Variants in BTAF1 observed in about 807,000 individuals in gnomAD.
BTAF1 encodes TATA-binding protein-associated factor 172.
A neutral mutation model predicts 227.1 loss-of-function variants in BTAF1; 38 were observed. The ratio of observed to expected loss-of-function variants is 0.17; its 90% CI spans 0.13 to 0.22. The LOEUF (loss-of-function observed/expected upper bound fraction) is 0.22, where lower values mean the gene tolerates loss of function less well. Ranked by LOEUF, BTAF1 falls within the 10% of genes least tolerant of loss-of-function variation. BTAF1 has a pLI of 1.00. For synonymous variants in BTAF1, 742 were observed against 751.9 expected (o/e 0.99, Z 0.21); for missense variants, 1,598 against 2,204.0 (o/e 0.73, Z 5.51).
chr10:92,021,210 A>G (rs1284439228), intron 34 of BTAF1, among the ~76,000 whole-genome samples: 1 of 152,246 alleles, frequency 6.6e-6, no homozygotes, highest in Non-Finnish European at 1.5e-5. Context: ...TGGGAGAAGT[A>G]TCTAATATTG....
At chr10:91,966,826 T>C in intron 14 of BTAF1, 69 bp downstream of exon 14, 1 of 1,441,354 alleles carries the variant, frequency 6.9e-7, no homozygotes, top group Non-Finnish European at 9.4e-7. Flanking sequence ...ACCTGGTCTT[T>C]AGCTTACCCT....
intron 14 of BTAF1, among the ~76,000 whole-genome samples, chr10:91,974,596 A>T (rs992130172): frequency 2.6e-5 from 4 of 152,318 alleles, no homozygotes; most frequent in East Asian, 3.9e-4. Context: ...TCACTCCTGT[A>T]ACCCCAGGAC....
intron 25 of BTAF1, among the ~76,000 whole-genome samples, chr10:92,002,712 T>A (rs1007283440): frequency 3.3e-5 from 5 of 152,200 alleles, no homozygotes; most frequent in African/African-American, 1.2e-4. Flanking sequence ...GCCCTAATGC[T>A]ATTTTTAGTG....
intron 1 of BTAF1, among the ~76,000 whole-genome samples, chr10:91,934,590 G>A (rs1040559246): frequency 2.0e-5 from 3 of 152,036 alleles, no homozygotes; most frequent in Non-Finnish European, 1.5e-5. Flanking sequence ...TCTTCCTAAA[G>A]CATAGTTTCA....
chr10:91,956,540 T>C lies in BTAF1; in HGVS notation c.714T>C (p.Thr238=), dbSNP rs759602721. The change falls in exon 7 of 38, where the codon ACT becomes ACC. Residue 238 remains threonine (T), a synonymous_variant. Transcript: ENST00000265990. ...VETNEKSNDS[T]DGEPEEKRRK... is the part of the protein sequence containing the mutation. The stretch of plus-strand genomic sequence containing the variant: ...TTTTATTTTTTAGCAATGATAGCAC[T>C]GATGGGGAGCCAGAAGAAAAGAGAC... The C allele has an allele frequency of 1.1e-5, 17 of 1,603,030 alleles. 1 individual carries two copies. In the Admixed American group the frequency reaches 2.8e-4, roughly 27 times the overall value.
At position 91,981,574 on chromosome 10, in the gene BTAF1, T is replaced by C. The variant is rs41287644; in HGVS notation, c.1756-69T>C. Reference sequence around the variant, plus strand: ...CTACTTAAAAAAACCTCAGTATTCCTAAAGATAAGTGTTAGAGTTTATTTT... The same window carrying C: ...CTACTTAAAAAAACCTCAGTATTCCCAAAGATAAGTGTTAGAGTTTATTTT... On this transcript the variant is annotated intron_variant, in intron 15 of 37. Transcript: ENST00000265990. 6,861 of 1,452,206 alleles carry C rather than the reference T, an allele frequency of 4.7e-3. 22 individuals are homozygous for C. The highest frequency in any genetic ancestry group is 6.0e-3 in the Non-Finnish European group (6,525 of 1,092,926). 90.0% of individuals were successfully genotyped at this position (1,452,206 alleles called of 1,614,324 possible).
chr10:92,009,285 G>A, intron 28 of BTAF1, 77 bp downstream of exon 28: 1 of 1,453,946 alleles, frequency 6.9e-7, no homozygotes. Flanking sequence ...ATTTATTAAA[G>A]TGAATTCTAA....
intron 2 of BTAF1, among the ~76,000 whole-genome samples, chr10:91,936,303 A>G (rs1844605929): frequency 6.7e-6 from 1 of 149,368 alleles, no homozygotes; most frequent in Non-Finnish European, 1.5e-5. Flanking sequence ...CTGTATGGTA[A>G]TAAGTGGCAA....
At chr10:91,942,856 G>A (rs770137837) in intron 4 of BTAF1, among the ~76,000 whole-genome samples, 21 of 152,080 alleles carry the variant, frequency 1.4e-4, no homozygotes, top group Non-Finnish European at 1.9e-4. Flanking sequence ...ATTATAAAGT[G>A]TTCCCCAAGA....
chr10:91,995,589 T>G (rs1290123132), intron 23 of BTAF1, among the ~76,000 whole-genome samples: 1 of 150,906 alleles, frequency 6.6e-6, no homozygotes, highest in Non-Finnish European at 1.5e-5. Flanking sequence ...GGCAGGAGAA[T>G]CACTGGAACC....
At chr10:91,953,493 T>G (rs927781815) in intron 5 of BTAF1, among the ~76,000 whole-genome samples, 1 of 152,126 alleles carries the variant, frequency 6.6e-6, no homozygotes, top group Non-Finnish European at 1.5e-5. Context: ...TGCCTCATAA[T>G]GTAGCATAAA....
In BTAF1 at chr10:92,031,195, T is replaced by C. The variant is rs575956225; in HGVS notation, c.*2262T>C. Reference sequence around the variant, plus strand: ...ATTCAGAGATTATTAGTCTTATCATTTGGGTTTCTTGTAGGAAAATCTTAA... The same window carrying C: ...ATTCAGAGATTATTAGTCTTATCATCTGGGTTTCTTGTAGGAAAATCTTAA... On this transcript the variant is annotated 3_prime_UTR_variant, in exon 38 of 38. Coordinates refer to ENST00000265990, the MANE Select transcript of BTAF1 (RefSeq NM_003972.3). Among the ~76,000 whole-genome samples the C allele has an allele frequency of 3.3e-5, 5 of 152,332 alleles. No homozygotes were observed. Among genetic ancestry groups the C allele is most frequent in the African/African-American group, 1.2e-4 (5 of 41,582 alleles).
intron 25 of BTAF1, among the ~76,000 whole-genome samples, chr10:92,002,834 C>T (rs10047331): frequency 0.021 from 3,203 of 152,042 alleles, 120 homozygotes; most frequent in African/African-American, 0.071. Context: ...TTTTTGGTCT[C>T]ATTACTTTTT....
At chr10:91,973,708 T>C (rs1847477117) in intron 14 of BTAF1, among the ~76,000 whole-genome samples, 1 of 151,194 alleles carries the variant, frequency 6.6e-6, no homozygotes, top group South Asian at 2.1e-4. Context: ...ATCGAGACCA[T>C]CCCGGCTAAA....
chr10:91,989,550 C>T lies in BTAF1; in HGVS notation c.2824C>T (p.Pro942Ser). 6.2e-7 allele frequency: 1 copy of T among 1,605,846 alleles called. No homozygotes were observed. Among genetic ancestry groups the T allele is most frequent in the Non-Finnish European group, 8.5e-7 (1 of 1,177,798 alleles). Residue 942 changes from proline to serine, a missense_variant, in exon 20 of 38, where the codon CCA (proline) becomes TCA (serine). Physicochemically the swap from Pro to Ser is moderately conservative, Grantham distance 74. Transcript: ENST00000265990. ...AACTCCTTGTGTCACATGTCCAGTA[C>T]CAACACAAAGTGGCCAGGAAAATTC... is the stretch of plus-strand genomic sequence containing the variant. ...YLTPCVTCPV[P>S]TQSGQENSKG...
In BTAF1 at chr10:91,923,827, A is replaced by G. The variant is rs995635285; in HGVS notation, c.-250A>G. The G allele has an allele frequency of 6.9e-6, 3 of 432,932 alleles. No individual in the cohort carries two copies. Among genetic ancestry groups the G allele is most frequent in the Admixed American group, 8.9e-5 (2 of 22,510 alleles). 26.8% of individuals were successfully genotyped at this position (432,932 alleles called of 1,614,324 possible). On this transcript the variant is annotated 5_prime_UTR_variant, in exon 1 of 38. Coordinates refer to ENST00000265990, the MANE Select transcript of BTAF1 (RefSeq NM_003972.3). ...AGCGGAGCTGAGGGTACCCGGTTTG[A>G]AGTCGTGCGGGTCGGAGGACTGCCG...
In BTAF1 at chr10:92,030,511, T is replaced by C. The variant is rs1169882478; in HGVS notation, c.*1578T>C. Among the ~76,000 whole-genome samples the C allele has an allele frequency of 6.6e-6, 1 of 152,158 alleles. No individual in the cohort carries two copies. The highest frequency in any genetic ancestry group is 1.5e-5 in the Non-Finnish European group (1 of 67,992). ...TTGCTAGTTCCATAAACCAGCTCTTTAACATAGCTTATAGTAATTGATATT... is the reference window on the plus strand; with the variant it reads ...TTGCTAGTTCCATAAACCAGCTCTTCAACATAGCTTATAGTAATTGATATT... On this transcript the variant is annotated 3_prime_UTR_variant, in exon 38 of 38. Transcript: ENST00000265990.
intron 24 of BTAF1, chr10:91,997,051 A>G: frequency 8.3e-7 from 1 of 1,201,720 alleles, no homozygotes; most frequent in Non-Finnish European, 1.1e-6. Flanking sequence ...GGCAGCAGCT[A>G]ACATTCTTTA....
At chr10:91,966,490 A>T in intron 13 of BTAF1, 147 bp from the exon 14 acceptor site, 1 of 779,078 alleles carries the variant, frequency 1.3e-6, no homozygotes, top group Non-Finnish European at 2.0e-6. Flanking sequence ...GAATGTTCAT[A>T]TGAAAACTGT....
Sources: gnomAD v4.1 joint callset for allele counts (sites outside exome capture counted in the v4.1 genomes callset) on GRCh38, gnomAD v4.1.1 for gene constraint, MANE v1.5 for transcripts, NCBI Gene and HGNC (gene_info 2026-07-23, HGNC 2026-07-21) for gene names.